Variants in SNX13 observed in about 807,000 individuals in gnomAD.
SNX13 encodes sorting nexin 13.
Under a neutral mutation model 133.6 loss-of-function variants are expected in SNX13, and 45 were observed. The observed-to-expected ratio is 0.34, with a 90% CI of 0.27 to 0.43. SNX13 has a LOEUF of 0.43. SNX13 is among the 20% of genes least tolerant of loss of function. The pLI is 1.00. For missense variants in SNX13, 1,032 were observed against 1,145.1 expected, an observed-to-expected ratio of 0.90 and a Z score of 1.43; for synonymous variants, 414 against 373.9, an observed-to-expected ratio of 1.11 and a Z score of -1.24.
chr7:17,922,144 A>G (rs553360960), intron 1 of SNX13, among the ~76,000 whole-genome samples: 31 of 152,292 alleles, frequency 2.0e-4, no homozygotes, highest in African/African-American at 6.3e-4. Context: ...CCTGCCTACT[A>G]ATGGAGTAAA....
chr7:17,910,869 T>C (rs764011972), intron 1 of SNX13, among the ~76,000 whole-genome samples: 7 of 152,158 alleles, frequency 4.6e-5, no homozygotes, highest in Non-Finnish European at 7.4e-5. Flanking sequence ...AGAACTCAGA[T>C]TGGTGACTGC....
chr7:17,899,602 G>A (rs1310050487), intron 1 of SNX13: 2 of 151,460 alleles, frequency 1.3e-5, no homozygotes, highest in Non-Finnish European at 2.9e-5. Context: ...TGATGCATTC[G>A]TCAGTAGGTC....
intron 5 of SNX13, chr7:17,882,939 A>C (rs1795539115): frequency 1.4e-6 from 1 of 730,846 alleles, no homozygotes. Context: ...CGACAGGGCG[A>C]GACTCTGTCT....
intron 8 of SNX13, among the ~76,000 whole-genome samples, chr7:17,870,337 TATTTA>T (rs1340198786): frequency 1.3e-5 from 2 of 152,208 alleles, no homozygotes; most frequent in African/African-American, 4.8e-5. Context: ...TTTCGTCTGT[TATTTA>T]ATCTAAACAA....
chr7:17,867,752 C>A (rs1015596144), intron 9 of SNX13, among the ~76,000 whole-genome samples: 1 of 151,756 alleles, frequency 6.6e-6, no homozygotes, highest in African/African-American at 2.4e-5. Context: ...AGTAGAAATC[C>A]CAGATTTAAG....
chr7:17,835,881 T>C (rs1271925800), intron 13 of SNX13, among the ~76,000 whole-genome samples: 1 of 151,962 alleles, frequency 6.6e-6, no homozygotes, highest in Admixed American at 6.6e-5. Context: ...GGGATGCTTA[T>C]TTGTTTTGTG....
intron 13 of SNX13, among the ~76,000 whole-genome samples, chr7:17,838,343 G>A (rs760845602): frequency 3.3e-5 from 5 of 151,868 alleles, no homozygotes; most frequent in Non-Finnish European, 7.4e-5. Context: ...TTTCATTTAT[G>A]AATTTGGTTA....
chr7:17,822,183 T>G (rs749389926), intron 17 of SNX13, among the ~76,000 whole-genome samples: 1 of 152,088 alleles, frequency 6.6e-6, no homozygotes, highest in African/African-American at 2.4e-5. Context: ...AGTTCACAAG[T>G]GCGGTTTATT....
chr7:17,915,481 C>A (rs751846973), intron 1 of SNX13, among the ~76,000 whole-genome samples: 3 of 152,184 alleles, frequency 2.0e-5, no homozygotes, highest in African/African-American at 4.8e-5. Flanking sequence ...AGTCAACCGA[C>A]AAACAACCCC....
At chr7:17,850,783 A>G (rs752364255) in intron 10 of SNX13, 43 bp downstream of exon 10, 1 of 1,366,004 alleles carries the variant, frequency 7.3e-7, no homozygotes, top group Non-Finnish European at 9.6e-7. Context: ...AAGATAAAAT[A>G]ATACTTCAAA....
intron 8 of SNX13, among the ~76,000 whole-genome samples, chr7:17,868,790 A>G (rs1185067105): frequency 6.6e-6 from 1 of 152,086 alleles, no homozygotes; most frequent in Non-Finnish European, 1.5e-5. Flanking sequence ...GACAAAATAT[A>G]AGACTAACAG....
At position 17,831,051 on chromosome 7, in the gene SNX13, T is replaced by C. The variant is rs953728969; in HGVS notation, c.1598-1004A>G. 24 of 984,264 alleles carry C rather than the reference T, an allele frequency of 2.4e-5. No individual in the cohort carries two copies. In the African/African-American group the frequency reaches 3.3e-4, roughly 14 times the overall value. The allele number at this position is 984,264 out of a possible 1,614,324, so 61.0% of individuals were successfully genotyped here. A position where few individuals can be genotyped will look rare whatever the true frequency, so the allele number is the denominator to read the frequency against. ...TAAGTAAAATAGTTATCTATCCTCCTTATTCAATTATATGCCTCCTACCTC... is the reference window on the plus strand; with the variant it reads ...TAAGTAAAATAGTTATCTATCCTCCCTATTCAATTATATGCCTCCTACCTC... On this transcript the variant is annotated intron_variant, in intron 15 of 25. Transcript: ENST00000428135.
intron 1 of SNX13, among the ~76,000 whole-genome samples, chr7:17,905,345 G>T (rs558166192): frequency 6.6e-6 from 1 of 152,224 alleles, no homozygotes; most frequent in South Asian, 2.1e-4. Context: ...GATGAATGAG[G>T]CAGTTTCTGC....
At chr7:17,814,980 T>C (rs1562687322) in intron 19 of SNX13, 36 bp from the exon 20 acceptor site, 1 of 1,354,254 alleles carries the variant, frequency 7.4e-7, no homozygotes, top group Non-Finnish European at 9.5e-7. Flanking sequence ...GAGATTATCT[T>C]AAACTGACAG....
At chr7:17,803,288 G>A (rs1784835027) in intron 21 of SNX13, 131 bp downstream of exon 21, 7 of 764,918 alleles carry the variant, frequency 9.2e-6, no homozygotes, top group Non-Finnish European at 1.3e-5. Flanking sequence ...TATTCTTTAT[G>A]AGACTATGTG....
intron 1 of SNX13, among the ~76,000 whole-genome samples, chr7:17,906,016 TAAAG>T (rs72272000): frequency 0.031 from 4,751 of 152,236 alleles, 257 homozygotes; most frequent in African/African-American, 0.11. Flanking sequence ...TAAATGATAA[TAAAG>T]AAAGAATATG....
At chr7:17,824,192 G>T (rs1787616765) in intron 17 of SNX13, among the ~76,000 whole-genome samples, 2 of 151,936 alleles carry the variant, frequency 1.3e-5, no homozygotes, top group Non-Finnish European at 2.9e-5. Flanking sequence ...AAAAAAAATA[G>T]CACTAGAATG....
intron 5 of SNX13, among the ~76,000 whole-genome samples, chr7:17,877,012 G>A (rs1299493716): frequency 8.1e-6 from 1 of 123,716 alleles, no homozygotes; most frequent in Non-Finnish European, 1.6e-5. Context: ...AAAAAGGCTA[G>A]TGAAGATGCT....
chr7:17,910,647 A>C (rs1798864239), intron 1 of SNX13, among the ~76,000 whole-genome samples: 1 of 152,212 alleles, frequency 6.6e-6, no homozygotes, highest in Non-Finnish European at 1.5e-5. Context: ...CTATAGCCAA[A>C]AGGAGGAAAT....
Sources: allele counts gnomAD v4.1 joint callset (sites outside exome capture counted in the v4.1 genomes callset), GRCh38; gene constraint gnomAD v4.1.1; transcripts MANE v1.5; gene names NCBI Gene and HGNC (gene_info 2026-07-23, HGNC 2026-07-21).